The following PDCD4 variants were observed in gnomAD, a reference collection of about 807,000 sequenced individuals.
The protein encoded by PDCD4 is programmed cell death 4.
In PDCD4, 56 loss-of-function variants were observed where a neutral mutation model predicts 54.0. That is an observed-to-expected ratio of 1.04 (90% CI 0.84 to 1.30). The LOEUF (loss-of-function observed/expected upper bound fraction) is 1.30, where lower values mean the gene tolerates loss of function less well. Among genes scored for constraint, PDCD4 ranks in the 50% most tolerant of loss-of-function variants. The pLI is 0.00. For synonymous variants in PDCD4, 186 were observed against 194.8 expected (o/e 0.95, Z 0.37); for missense variants, 584 against 559.8 (o/e 1.04, Z -0.44).
chr10:110,893,391 A>G (rs1845785463), intron 8 of PDCD4, among the ~76,000 whole-genome samples: 1 of 150,410 alleles, frequency 6.6e-6, no homozygotes, highest in Admixed American at 6.7e-5. Flanking sequence ...CATTCAGGCA[A>G]CTAGATATGT....
intron 9 of PDCD4, 30 bp from the exon 10 acceptor site, chr10:110,894,382 C>A: frequency 1.6e-6 from 2 of 1,212,150 alleles, no homozygotes; most frequent in African/African-American, 1.5e-5. Context: ...ATGAATTAAC[C>A]AAAAATTCAC....
chr10:110,877,803 G>A (rs1197294708), intron 2 of PDCD4, among the ~76,000 whole-genome samples: 1 of 152,186 alleles, frequency 6.6e-6, no homozygotes, highest in Non-Finnish European at 1.5e-5. Flanking sequence ...CTTGGAGGAA[G>A]TAGGTTATTC....
At chr10:110,873,178 A>G (rs1373300672) in intron 1 of PDCD4, among the ~76,000 whole-genome samples, 1 of 152,228 alleles carries the variant, frequency 6.6e-6, no homozygotes. Flanking sequence ...GTGTATTTGA[A>G]TTATAATTGA....
chr10:110,885,333 A>G lies in PDCD4; in HGVS notation c.522A>G (p.Glu174=), dbSNP rs771730772. 6.3e-7 allele frequency: 1 copy of G among 1,588,192 alleles called. No homozygotes were observed. The highest frequency in any genetic ancestry group is 8.6e-7 in the Non-Finnish European group (1 of 1,159,568). The change falls in exon 5 of 12, where the codon GAA becomes GAG. Residue 174 remains glutamate, a synonymous_variant. Coordinates refer to ENST00000280154, the MANE Select transcript of PDCD4 (RefSeq NM_014456.5). ...AGACTTTAACACCAATCATACAGGA[A>G]TATTTTGAGCATGGAGATACTAATG... ...FEKTLTPIIQ[E]YFEHGDTNEV...
chr10:110,897,960 T>C (rs532808762), intron 11 of PDCD4, 68 bp from the exon 12 acceptor site: 12 of 1,143,656 alleles, frequency 1.0e-5, no homozygotes, highest in Admixed American at 2.4e-5. Flanking sequence ...AAGTTTTTAA[T>C]TTTTTTATAT....
intron 8 of PDCD4, among the ~76,000 whole-genome samples, chr10:110,891,521 A>G (rs986448438): frequency 3.9e-5 from 6 of 151,920 alleles, no homozygotes; most frequent in African/African-American, 1.5e-4. Flanking sequence ...ACCAAAAAAC[A>G]GAAAAAACTC....
Position 110,875,889 on chromosome 10 carries a change from TTAAG to T in PDCD4, c.-62-71_-62-68del, listed in dbSNP as rs200766553. On this transcript the variant is annotated intron_variant, in intron 1 of 11. Coordinates refer to ENST00000280154, the MANE Select transcript of PDCD4 (RefSeq NM_014456.5). Reference sequence around the variant, plus strand: ...GTTGTCGTTTGTTTTTACAGTGTGCTTAAGTAAGTTTAATTCAGCTTAATTACAT... The same window carrying T: ...GTTGTCGTTTGTTTTTACAGTGTGCTTAAGTTTAATTCAGCTTAATTACAT... 7.9e-3 allele frequency: 4,589 copies of T among 578,978 alleles called. 177 individuals carry two copies. The African/African-American group carries it at 0.083, about 10-fold the overall frequency. The allele number at this position is 578,978 out of a possible 1,614,324, so 35.9% of individuals were successfully genotyped here.
At position 110,894,278 on chromosome 10, in the gene PDCD4, G is replaced by T. The variant is rs189976293; in HGVS notation, c.1098+80G>T. 10 of 934,784 alleles carry T rather than the reference G, an allele frequency of 1.1e-5. No homozygotes were observed. In the Admixed American group the frequency reaches 1.9e-4, roughly 18 times the overall value. The allele number at this position is 934,784 out of a possible 1,614,324, so 57.9% of individuals were successfully genotyped here. Reference sequence around the variant, plus strand: ...TAGCGACTTATGCTTTTTAAATAATGTACATCCTTTTTTTAATATCAAAGG... The same window carrying T: ...TAGCGACTTATGCTTTTTAAATAATTTACATCCTTTTTTTAATATCAAAGG... On this transcript the variant is annotated intron_variant, in intron 9 of 11. Transcript: ENST00000280154.
chr10:110,883,075 A>G lies in PDCD4; in HGVS notation c.419A>G (p.Asp140Gly), dbSNP rs1449725238. The change falls in exon 4 of 12, where the codon GAT becomes GGT. Residue 140 changes from aspartate (D) to glycine (G), a missense_variant. Coordinates refer to ENST00000280154, the MANE Select transcript of PDCD4 (RefSeq NM_014456.5). The part of the protein sequence containing the change: ...VYDVEEVDVK[D>G]PNYDDDQENC... ...GATGTGGAGGAGGTGGATGTGAAAG[A>G]TCCTAACTATGATGATGACCAGGTA... The G allele has an allele frequency of 6.3e-7, 1 of 1,591,000 alleles. No homozygotes were observed. Among genetic ancestry groups the G allele is most frequent in the Non-Finnish European group, 8.5e-7 (1 of 1,170,156 alleles).
chr10:110,887,579 A>T, intron 5 of PDCD4, 86 bp from the exon 6 acceptor site: 1 of 863,320 alleles, frequency 1.2e-6, no homozygotes, highest in Non-Finnish European at 1.8e-6. Context: ...ATATAGATAA[A>T]AGCTCAATTT....
rs1485427378 is a variant in PDCD4 at position 110,889,626 on chromosome 10, G to A, written c.871G>A (p.Ala291Thr). The A allele has an allele frequency of 8.4e-6, 13 of 1,541,808 alleles. No homozygotes were observed. The highest frequency in any genetic ancestry group is 2.2e-5 in the East Asian group (1 of 44,452). ...SYKGTVDCVQ[A>T]RAALDKATVL... ...CAAAGGAACTGTAGATTGTGTGCAG[G>A]CTAGGTAAGTAAATCACTTTTCCTA... The change falls in exon 7 of 12, where the codon GCT becomes ACT. Residue 291 changes from alanine (A) to threonine (T), a missense_variant. Ala to Thr is a moderately conservative substitution (Grantham distance 58). Transcript: ENST00000280154.
At chr10:110,875,810 G>T (rs532810675) in intron 1 of PDCD4, among the ~76,000 whole-genome samples, 156 bp from the exon 2 acceptor site, 1 of 152,032 alleles carries the variant, frequency 6.6e-6, no homozygotes, top group Non-Finnish European at 1.5e-5. Flanking sequence ...AGGGTAAGTT[G>T]TCTTTGAAAG....
intron 7 of PDCD4, among the ~76,000 whole-genome samples, chr10:110,890,028 A>C (rs1282155894): frequency 6.6e-6 from 1 of 152,212 alleles, no homozygotes; most frequent in Non-Finnish European, 1.5e-5. Context: ...GTATTTATCT[A>C]CTGTAGAAAT....
chr10:110,872,064 C>G (rs1444063411), intron 1 of PDCD4, 46 bp downstream of exon 1: 1 of 152,446 alleles, frequency 6.6e-6, no homozygotes, highest in Non-Finnish European at 1.5e-5. Flanking sequence ...AGACTGCGCC[C>G]TCTCCCCCAT....
At chr10:110,887,607 A>G in intron 5 of PDCD4, 58 bp from the exon 6 acceptor site, 1 of 1,222,876 alleles carries the variant, frequency 8.2e-7, no homozygotes, top group East Asian at 2.4e-5. Flanking sequence ...ATAAAATTTT[A>G]TTGAACTATA....
At chr10:110,872,422 C>A (rs940144386) in intron 1 of PDCD4, among the ~76,000 whole-genome samples, 1 of 152,196 alleles carries the variant, frequency 6.6e-6, no homozygotes. Context: ...TCCGGCTGGA[C>A]TGAAATCCTG....
At chr10:110,884,183 G>T (rs574206235) in intron 4 of PDCD4, among the ~76,000 whole-genome samples, 2 of 152,336 alleles carry the variant, frequency 1.3e-5, no homozygotes, top group Middle Eastern at 6.8e-3. Flanking sequence ...TGCCCAGGAT[G>T]TGAGCCATTC....
intron 1 of PDCD4, 24 bp from the exon 2 acceptor site, chr10:110,875,938 GCTTT>G (rs1845497113): frequency 9.7e-7 from 1 of 1,034,064 alleles, no homozygotes; most frequent in Non-Finnish European, 1.4e-6. Context: ...AGATCTTGAA[GCTTT>G]CTTTTTTTCT....
rs1845653579 is a variant in PDCD4, at chr10:110,885,312, T to TTTG, written c.503_504insGTT (p.Leu168dup). 6.2e-7 allele frequency: 1 copy of TTTG among 1,601,246 alleles called. No homozygotes were observed. The highest frequency in any genetic ancestry group is 8.5e-7 in the Non-Finnish European group (1 of 1,170,284). ...TGGATGAAAGGGCATTTGAGAAGAC[T>TTTG]TTAACACCAATCATACAGGAATATT... On this transcript the variant is annotated inframe_insertion, in exon 5 of 12. Coordinates refer to ENST00000280154, the MANE Select transcript of PDCD4 (RefSeq NM_014456.5).
Sources: gnomAD v4.1 joint callset for allele counts (sites outside exome capture counted in the v4.1 genomes callset) on GRCh38, gnomAD v4.1.1 for gene constraint, MANE v1.5 for transcripts, NCBI Gene and HGNC (gene_info 2026-07-23, HGNC 2026-07-21) for gene names.